Variants in WDR62 observed in about 807,000 individuals in gnomAD.
WDR62 encodes the protein WD repeat domain 62.
In WDR62, 112 loss-of-function variants were observed where a neutral mutation model predicts 160.6. The ratio of observed to expected loss-of-function variants is 0.70; its 90% CI spans 0.60 to 0.82. WDR62 has a LOEUF of 0.82. Ranked by LOEUF, WDR62 falls within the 40% of genes least tolerant of loss-of-function variation. The probability of loss-of-function intolerance (pLI) is 0.00; values close to 1 mark genes in which losing one functional copy is unlikely to be tolerated. For missense variants in WDR62, 1,819 were observed against 1,983.8 expected, an observed-to-expected ratio of 0.92 and a Z score of 1.58; for synonymous variants, 792 against 815.1, an observed-to-expected ratio of 0.97 and a Z score of 0.48.
At chr19:36,079,223 A>C (rs1405210974) in intron 9 of WDR62, among the ~76,000 whole-genome samples, 5 of 152,158 alleles carry the variant, frequency 3.3e-5, no homozygotes, top group African/African-American at 1.2e-4. Context: ...CTGGGACCAC[A>C]GGCATGCACT....
At chr19:36,108,483 C>G (rs562592315), downstream of WDR62, among the ~76,000 whole-genome samples, 166 of 150,622 alleles carry the variant, frequency 1.1e-3, 11 homozygotes, top group South Asian at 0.034. Context: ...GGAAAGCCAA[C>G]AATTGCAAAA....
At chr19:36,078,976 G>T (rs114592934) in intron 9 of WDR62, among the ~76,000 whole-genome samples, 1 of 132,692 alleles carries the variant, frequency 7.5e-6, no homozygotes, top group African/African-American at 2.9e-5. Flanking sequence ...TCATTTTTAT[G>T]TGATACCAGT....
Position 36,101,702 on chromosome 19 carries a change from G to C in WDR62, c.3010G>C (p.Ala1004Pro), listed in dbSNP as rs370416793. ...AGAGGCCGACCTGGAGTGCAGCTTC[G>C]CAGCCATCCACTCCCCAGCTCCGCC... ...ESEADLECSF[A>P]AIHSPAPPPD... The change falls in exon 25 of 32, where the codon GCA becomes CCA. Residue 1004 changes from alanine (A) to proline (P), a missense_variant. By Grantham distance (27) the Ala-to-Pro change is conservative (BLOSUM62 -1). Coordinates refer to ENST00000401500, the MANE Select transcript of WDR62 (RefSeq NM_001083961.2). 2 of 1,551,098 alleles carry C rather than the reference G, an allele frequency of 1.3e-6. No individual in the cohort carries two copies. The highest frequency in any genetic ancestry group is 2.4e-5 in the East Asian group (1 of 40,908).
At chr19:36,063,464 G>A (rs1292515773) in intron 3 of WDR62, among the ~76,000 whole-genome samples, 2 of 151,282 alleles carry the variant, frequency 1.3e-5, no homozygotes, top group Non-Finnish European at 2.9e-5. Context: ...TGTTGGTCAG[G>A]CTGGTCACGA....
rs1014616643 is a variant in WDR62 at position 36,099,445 on chromosome 19, G to A, written c.2567G>A (p.Arg856His). ...VADGLAFHAKRSYQPHGRWAE... is the reference protein window; with the variant it reads ...VADGLAFHAKHSYQPHGRWAE... ...GATGGCTTGGCCTTCCACGCCAAGCGCAGCTACCAGCCCCACGGCCGCTGG... is the reference window on the plus strand; with the variant it reads ...GATGGCTTGGCCTTCCACGCCAAGCACAGCTACCAGCCCCACGGCCGCTGG... Residue 856 changes from arginine to histidine, a missense_variant, in exon 22 of 32, where the codon CGC becomes CAC. Coordinates refer to ENST00000401500, the MANE Select transcript of WDR62 (RefSeq NM_001083961.2). 18 of 1,613,788 alleles carry A rather than the reference G, an allele frequency of 1.1e-5. No individual in the cohort carries two copies. The highest frequency in any genetic ancestry group is 2.7e-5 in the African/African-American group (2 of 75,052).
rs768909004 is a variant in WDR62, at chr19:36,104,587, C to A, written c.4223C>A (p.Pro1408His). ...CCCTGGGTGCCGGTTGAAGCCCTGCCCCCATCTCCCCTTGAGCTGAGCAGG... is the reference window on the plus strand; with the variant it reads ...CCCTGGGTGCCGGTTGAAGCCCTGCACCCATCTCCCCTTGAGCTGAGCAGG... The part of the protein sequence containing the change: ...SEPWVPVEAL[P>H]PSPLELSRVG... Residue 1408 changes from proline (P) to histidine (H), a missense_variant, in exon 31 of 32, where the codon CCC becomes CAC. By Grantham distance (77) the Pro-to-His change is moderately conservative. Transcript: ENST00000401500. 6.2e-7 allele frequency: 1 copy of A among 1,613,746 alleles called. No individual in the cohort carries two copies. Among genetic ancestry groups the A allele is most frequent in the South Asian group, 1.1e-5 (1 of 91,074 alleles).
intron 7 of WDR62, 104 bp downstream of exon 7, chr19:36,068,114 T>A: frequency 1.5e-6 from 2 of 1,360,972 alleles, no homozygotes; most frequent in Non-Finnish European, 2.1e-6. Context: ...CTTATGTGAC[T>A]AGTGGTGAAT....
At chr19:36,100,722 G>C (rs1973275612) in intron 22 of WDR62, 26 bp from the exon 23 acceptor site, 1 of 1,613,482 alleles carries the variant, frequency 6.2e-7, no homozygotes, top group South Asian at 1.1e-5. Context: ...GCCTGCCTCA[G>C]AATGGCTGTG....
downstream of WDR62, chr19:36,105,227 C>T (rs1048555660): frequency 2.3e-5 from 16 of 681,842 alleles, no homozygotes; most frequent in Middle Eastern, 4.1e-4. Context: ...ATGGGACCAG[C>T]GCTCCCAAGA....
At chr19:36,055,795 A>G (rs1424320522) in intron 1 of WDR62, among the ~76,000 whole-genome samples, 1 of 152,238 alleles carries the variant, frequency 6.6e-6, no homozygotes, top group Non-Finnish European at 1.5e-5. Context: ...AAGGAATTCC[A>G]TTAGCACAGC....
rs1460489656 is a variant in WDR62, at chr19:36,097,207, G to T, written c.2520+128G>T. ...TGGAGAAGCCCTGTCATCCTTCCAGGCTCAGTGAGACAGCCCTTTGTTCAT... is the reference window on the plus strand; with the variant it reads ...TGGAGAAGCCCTGTCATCCTTCCAGTCTCAGTGAGACAGCCCTTTGTTCAT... On this transcript the variant is annotated intron_variant, in intron 21 of 31. Coordinates refer to ENST00000401500, the MANE Select transcript of WDR62 (RefSeq NM_001083961.2). The T allele has an allele frequency of 6.8e-6, 6 of 884,544 alleles. No homozygotes were observed. In the East Asian group the frequency reaches 1.6e-4, roughly 23 times the overall value. 54.8% of individuals were successfully genotyped at this position (884,544 alleles called of 1,614,324 possible).
intron 8 of WDR62, among the ~76,000 whole-genome samples, chr19:36,072,026 G>A (rs1971327646): frequency 6.6e-6 from 1 of 152,244 alleles, no homozygotes; most frequent in South Asian, 2.1e-4. Context: ...CATCCACATG[G>A]CTGACCCCTA....
At chr19:36,101,476 G>T in intron 24 of WDR62, 159 bp downstream of exon 24, 3 of 825,072 alleles carry the variant, frequency 3.6e-6, no homozygotes, top group Non-Finnish European at 6.1e-6. Flanking sequence ...GGGCCCAGCT[G>T]CCTACAGCTG....
chr19:36,103,372 G>C lies in WDR62; in HGVS notation c.3544G>C (p.Val1182Leu). The C allele has an allele frequency of 6.2e-7, 1 of 1,613,828 alleles. No homozygotes were observed. The highest frequency in any genetic ancestry group is 8.5e-7 in the Non-Finnish European group (1 of 1,179,958). The part of the protein sequence containing the change: ...PPCLTSLASC[V>L]PASSVLPTDR... ...CTGCCTTACGAGCCTGGCGTCCTGT[G>C]TCCCTGCTTCCTCCGTGCTGCCCAC... Residue 1182 changes from valine (V) to leucine (L), a missense_variant, in exon 30 of 32, where the codon GTC (valine) becomes CTC (leucine). Val to Leu is a conservative substitution (Grantham distance 32). This residue lies in a region of WDR62 where 770 missense variants were observed against 734.2 expected (regional missense o/e 1.05). Coordinates refer to ENST00000401500, the MANE Select transcript of WDR62 (RefSeq NM_001083961.2).
In WDR62 at chr19:36,084,660, G is replaced by A. The variant is rs747964654; in HGVS notation, c.1558G>A (p.Glu520Lys). 12 of 1,613,822 alleles carry A rather than the reference G, an allele frequency of 7.4e-6. No individual in the cohort carries two copies. The highest frequency in any genetic ancestry group is 8.5e-6 in the Non-Finnish European group (10 of 1,180,000). ...GDRSGNLRIH[E>K]LHFMDELVKV... ...GCGGTGTGTGTCTCCCAGGATCCAC[G>A]AGCTGCACTTCATGGACGAGCTGGT... The change falls in exon 12 of 32, where the codon GAG becomes AAG. Residue 520 changes from glutamate (E) to lysine (K), a missense_variant. Physicochemically the swap from Glu to Lys is moderately conservative, Grantham distance 56 (BLOSUM62 1). Coordinates refer to ENST00000401500, the MANE Select transcript of WDR62 (RefSeq NM_001083961.2).
chr19:36,060,032 T>C lies in WDR62; in HGVS notation c.332+2T>C. 1.2e-6 allele frequency: 2 copies of C among 1,614,178 alleles called. No individual in the cohort carries two copies. Among genetic ancestry groups the C allele is most frequent in the Non-Finnish European group, 1.7e-6 (2 of 1,180,020 alleles). On this transcript the variant is annotated splice_donor_variant, in intron 3 of 31. Transcript: ENST00000401500. LOFTEE classifies it high-confidence loss of function. Reference sequence around the variant, plus strand: ...GCAGCACATCTTTAACACCGCCAGGTAGGCTGAGGCCTGGGCCCGGGGCAG... The same window carrying C: ...GCAGCACATCTTTAACACCGCCAGGCAGGCTGAGGCCTGGGCCCGGGGCAG...
rs1972700533 is a variant in WDR62, at chr19:36,092,720, A to T, written c.2242A>T (p.Ile748Phe). ...CVFIWHLGPE[I>F]TNCMKQHLLE... is the part of the protein sequence containing the mutation. ...GTTCATCTGGCACCTGGGCCCGGAG[A>T]TCACCAACTGCATGAAGCAGCACTT... The change falls in exon 19 of 32, where the codon ATC becomes TTC. Residue 748 changes from isoleucine (I) to phenylalanine (F), a missense_variant. By Grantham distance (21) the Ile-to-Phe change is conservative (BLOSUM62 0). Around this residue, in one of 3 missense-constraint regions of WDR62, gnomAD observed 934 missense variants for 1,157.2 expected, o/e 0.81. Coordinates refer to ENST00000401500, the MANE Select transcript of WDR62 (RefSeq NM_001083961.2). 2 of 1,614,062 alleles carry T rather than the reference A, an allele frequency of 1.2e-6. No individual in the cohort carries two copies. Among genetic ancestry groups the T allele is most frequent in the African/African-American group, 1.3e-5 (1 of 74,920 alleles).
intron 10 of WDR62, 199 bp downstream of exon 10, chr19:36,081,769 T>C: frequency 2.8e-6 from 2 of 722,390 alleles, no homozygotes; most frequent in East Asian, 5.6e-5. Flanking sequence ...GGTGGCACGC[T>C]CTATCCTCTC....
Position 36,073,341 on chromosome 19 carries a change from G to T in WDR62, c.1044-1G>T, listed in dbSNP as rs1568336688. On this transcript the variant is annotated splice_acceptor_variant, in intron 8 of 31. Transcript: ENST00000401500. LOFTEE classifies it high-confidence loss of function. ...ATTGATTACCCATGTGGCCTTGTTA[G>T]CTTCCTCTTCCACAGGAAGGCGGAA... 2 of 1,614,124 alleles carry T rather than the reference G, an allele frequency of 1.2e-6. No individual in the cohort carries two copies. The highest frequency in any genetic ancestry group is 1.7e-4 in the Middle Eastern group (1 of 6,060).
Sources: gnomAD v4.1 joint callset for allele counts (sites outside exome capture counted in the v4.1 genomes callset) on GRCh38, gnomAD v4.1.1 for gene constraint, gnomAD v4.1.1 regional missense constraint, MANE v1.5 for transcripts, NCBI Gene and HGNC (gene_info 2026-07-23, HGNC 2026-07-21) for gene names.